The following RBM25 variants were observed in gnomAD, a reference collection of about 807,000 sequenced individuals.
RBM25 encodes RNA-binding protein 25.
In RBM25, 19 loss-of-function variants were observed where a neutral mutation model predicts 120.7. The observed-to-expected ratio is 0.16, with a 90% CI of 0.11 to 0.23. RBM25 has a LOEUF of 0.23. RBM25 is among the 10% of genes least tolerant of loss of function. The pLI is 1.00. For synonymous variants in RBM25, 390 were observed against 326.7 expected, an observed-to-expected ratio of 1.19 and a Z score of -2.09; for missense variants, 605 against 1,041.5, an observed-to-expected ratio of 0.58 and a Z score of 5.77.
intron 16 of RBM25, 39 bp downstream of exon 16, chr14:73,111,841 A>G (rs1409352232): frequency 6.5e-7 from 1 of 1,530,306 alleles, no homozygotes; most frequent in Admixed American, 2.3e-5. Flanking sequence ...TATTGGGAAC[A>G]GTTGGAATAT....
At chr14:73,099,850 A>G (rs1386559492) in intron 9 of RBM25, 100 bp downstream of exon 9, 1 of 1,405,626 alleles carries the variant, frequency 7.1e-7, no homozygotes, top group African/African-American at 1.5e-5. Flanking sequence ...ATATAATTTT[A>G]AATGTTTTTT....
chr14:73,105,040 C>CACACACACACAT (rs1896151560), intron 10 of RBM25, among the ~76,000 whole-genome samples: 1 of 107,876 alleles, frequency 9.3e-6, no homozygotes, highest in African/African-American at 2.9e-5. Context: ...ATATTAAATA[C>CACACACACACAT]ACACACACAC....
intron 1 of RBM25, among the ~76,000 whole-genome samples, chr14:73,067,172 C>T (rs112388272): frequency 0.023 from 3,527 of 150,724 alleles, 66 homozygotes; most frequent in Admixed American, 0.042. Flanking sequence ...CAGGTTCAAG[C>T]GATTCTCCTG....
chr14:73,071,804 C>G, intron 2 of RBM25, 57 bp downstream of exon 2: 1 of 1,370,602 alleles, frequency 7.3e-7, no homozygotes, highest in South Asian at 1.2e-5. Context: ...CTTTGTGATA[C>G]TAACTTCAGG....
At chr14:73,094,347 ATTAG>A (rs1895887979) in intron 6 of RBM25, among the ~76,000 whole-genome samples, 1 of 152,088 alleles carries the variant, frequency 6.6e-6, no homozygotes, top group Non-Finnish European at 1.5e-5. Flanking sequence ...AAAAATGTGA[ATTAG>A]TTAATTCCAA....
intron 1 of RBM25, among the ~76,000 whole-genome samples, chr14:73,070,527 T>G (rs1224237926): frequency 6.6e-6 from 1 of 152,188 alleles, no homozygotes; most frequent in Non-Finnish European, 1.5e-5. Context: ...TGACTGGAAG[T>G]CAGGAGTTTA....
Position 73,088,043 on chromosome 14 carries a change from G to A in RBM25, c.425G>A (p.Arg142His), listed in dbSNP as rs1895730515. The change falls in exon 6 of 19, where the codon CGT (arginine) becomes CAT (histidine). Residue 142 changes from arginine to histidine, a missense_variant. Physicochemically the swap from Arg to His is conservative, Grantham distance 29. Transcript: ENST00000261973. ...CEYKEPESTLRALRLLHDLQI... is the reference protein window; with the variant it reads ...CEYKEPESTLHALRLLHDLQI... ...TACAAGGAGCCAGAATCTACCCTCC[G>A]TGCACTCAGATTATTACATGACCTG... The A allele has an allele frequency of 1.2e-6, 2 of 1,614,012 alleles. No homozygotes were observed. The highest frequency in any genetic ancestry group is 1.7e-6 in the Non-Finnish European group (2 of 1,180,016).
intron 7 of RBM25, 79 bp from the exon 8 acceptor site, chr14:73,099,301 G>T: frequency 7.9e-7 from 1 of 1,258,786 alleles, no homozygotes; most frequent in Non-Finnish European, 1.1e-6. Flanking sequence ...CGTCATAAAT[G>T]TATAGGGCAT....
At position 73,119,931 on chromosome 14, in the gene RBM25, A is replaced by AT; in HGVS notation, c.*132dup. 7.3e-7 allele frequency: 1 copy of AT among 1,378,368 alleles called. No homozygotes were observed. Among genetic ancestry groups the AT allele is most frequent in the East Asian group, 2.6e-5 (1 of 38,212 alleles). 85.4% of individuals were successfully genotyped at this position (1,378,368 alleles called of 1,614,324 possible). ...TTTTTTTTTTTTGTAGAAAATGTGA[A>AT]TTTTTTGGTCCTCTAATTTGTTGTT... On this transcript the variant is annotated 3_prime_UTR_variant, in exon 19 of 19. Transcript: ENST00000261973.
chr14:73,063,124 G>C (rs942263138), intron 1 of RBM25, among the ~76,000 whole-genome samples: 3 of 150,780 alleles, frequency 2.0e-5, no homozygotes, highest in African/African-American at 7.3e-5. Flanking sequence ...ACCTGGCCCA[G>C]GTTCCTGTTT....
chr14:73,068,025 G>A (rs574222792), intron 1 of RBM25: 197 of 313,642 alleles, frequency 6.3e-4, no homozygotes, highest in African/African-American at 3.8e-3. Flanking sequence ...TTAAGTTGGC[G>A]GTAAGGCTGG....
intron 10 of RBM25, 55 bp downstream of exon 10, chr14:73,103,533 A>G: frequency 6.6e-7 from 1 of 1,518,068 alleles, no homozygotes; most frequent in Non-Finnish European, 8.8e-7. Flanking sequence ...ACTATCGGGT[A>G]GTCCTCCAGA....
intron 1 of RBM25, among the ~76,000 whole-genome samples, chr14:73,071,131 A>G (rs964315777): frequency 6.6e-6 from 1 of 151,550 alleles, no homozygotes; most frequent in Admixed American, 6.6e-5. Flanking sequence ...AGTCCCAGCT[A>G]CTTGGGAGGC....
chr14:73,114,901 A>G (rs1896391988), intron 18 of RBM25, among the ~76,000 whole-genome samples: 1 of 152,184 alleles, frequency 6.6e-6, no homozygotes, highest in African/African-American at 2.4e-5. Flanking sequence ...CTCTAAATAA[A>G]TAAATAAGGC....
intron 9 of RBM25, chr14:73,099,979 C>A: frequency 1.8e-6 from 1 of 547,592 alleles, no homozygotes; most frequent in Non-Finnish European, 2.9e-6. Flanking sequence ...AGTCATCTCA[C>A]TTTAATATGA....
At chr14:73,096,689 T>A (rs534113006) in intron 6 of RBM25, among the ~76,000 whole-genome samples, 2 of 152,242 alleles carry the variant, frequency 1.3e-5, no homozygotes, top group East Asian at 3.9e-4. Context: ...GGGACCAGAA[T>A]TTTTTAGCTA....
intron 4 of RBM25, 23 bp from the exon 5 acceptor site, chr14:73,083,471 G>GTTTGT (rs781595572): frequency 6.5e-7 from 1 of 1,542,968 alleles, no homozygotes; most frequent in Non-Finnish European, 8.7e-7. Flanking sequence ...GTAGCAATCT[G>GTTTGT]TTTGTTTTGT....
chr14:73,069,779 A>AAAAAAAAAAAAAAAAAT (rs1895234317), intron 1 of RBM25: 1 of 125,248 alleles, frequency 8.0e-6, no homozygotes, highest in African/African-American at 2.9e-5. Flanking sequence ...AAAAAAAAAA[A>AAAAAAAAAAAAAAAAAT]GTGTGTTGCT....
At chr14:73,070,241 G>A (rs1484943626) in intron 1 of RBM25, among the ~76,000 whole-genome samples, 1 of 151,760 alleles carries the variant, frequency 6.6e-6, no homozygotes, top group East Asian at 1.9e-4. Context: ...TGTTTTAGTG[G>A]GGACGGGGTT....
Sources: gnomAD v4.1 joint callset for allele counts (sites outside exome capture counted in the v4.1 genomes callset) on GRCh38, gnomAD v4.1.1 for gene constraint, MANE v1.5 for transcripts, NCBI Gene and HGNC (gene_info 2026-07-23, HGNC 2026-07-21) for gene names.